The following TRHDE variants were observed in gnomAD, a reference collection of about 807,000 sequenced individuals.
TRHDE encodes thyrotropin-releasing hormone-degrading ectoenzyme.
In TRHDE, 72 loss-of-function variants were observed where a neutral mutation model predicts 125.7. That is an observed-to-expected ratio of 0.57 (90% confidence interval 0.47 to 0.70). The LOEUF (loss-of-function observed/expected upper bound fraction) is 0.70. Among genes scored for constraint, TRHDE ranks in the 30% least tolerant of loss-of-function variants. TRHDE has a pLI of 0.00. For synonymous variants in TRHDE, 509 were observed against 509.1 expected, an observed-to-expected ratio of 1.00 and a Z score of 0.00; for missense variants, 1,110 against 1,327.1, an observed-to-expected ratio of 0.84 and a Z score of 2.54.
chr12:72,272,997 G>A lies in TRHDE; in HGVS notation c.354G>A (p.Thr118=), dbSNP rs779274990. 3.9e-6 allele frequency: 6 copies of A among 1,547,590 alleles called. No individual in the cohort carries two copies. Among genetic ancestry groups the A allele is most frequent in the African/African-American group, 1.4e-5 (1 of 73,614 alleles). ...LRFDECGASA[T]PGADGGPSGF... ...TCGACGAGTGCGGGGCGAGTGCCACGCCAGGCGCCGACGGTGGCCCCTCAG... is the reference window on the plus strand; with the variant it reads ...TCGACGAGTGCGGGGCGAGTGCCACACCAGGCGCCGACGGTGGCCCCTCAG... Residue 118 remains threonine (T), a synonymous_variant, in exon 1 of 19, where the codon ACG becomes ACA. Coordinates refer to ENST00000261180, the MANE Select transcript of TRHDE (RefSeq NM_013381.3). The surrounding 1 kb of genome is among the most constrained non-coding windows in gnomAD (Gnocchi z 6.7).
At chr12:72,586,139 C>T (rs186362932) in intron 12 of TRHDE, among the ~76,000 whole-genome samples, 129 of 135,680 alleles carry the variant, frequency 9.5e-4, no homozygotes, top group Admixed American at 3.5e-3. Flanking sequence ...GGTAGCAATG[C>T]TATCATGATA....
At chr12:72,522,126 G>A (rs1283191166) in intron 6 of TRHDE, among the ~76,000 whole-genome samples, 1 of 152,196 alleles carries the variant, frequency 6.6e-6, no homozygotes, top group African/African-American at 2.4e-5. Context: ...CACTGAGGCA[G>A]TAACTTGCCC....
At chr12:72,363,915 C>A (rs1871231079) in intron 2 of TRHDE, among the ~76,000 whole-genome samples, 1 of 152,130 alleles carries the variant, frequency 6.6e-6, no homozygotes, top group East Asian at 1.9e-4. Flanking sequence ...TAAGCAACTT[C>A]AGCAAAGTCT....
intron 2 of TRHDE, among the ~76,000 whole-genome samples, chr12:72,303,468 G>T (rs142166414): frequency 1.6e-4 from 24 of 152,114 alleles, no homozygotes; most frequent in African/African-American, 5.5e-4. Context: ...TACAGCAGTG[G>T]CTCTTAAACT....
chr12:72,539,145 G>T (rs945495945), intron 6 of TRHDE, among the ~76,000 whole-genome samples: 1 of 151,710 alleles, frequency 6.6e-6, no homozygotes, highest in Non-Finnish European at 1.5e-5. Flanking sequence ...TTAGACCCTC[G>T]TTATCCTTTG....
At chr12:72,256,722 T>C (rs906931735) in intron 2 of TRHDE, 1 of 152,164 alleles carries the variant, frequency 6.6e-6, no homozygotes, top group Non-Finnish European at 1.5e-5. Flanking sequence ...TTAGTTACCA[T>C]GTTGAAAAGA....
chr12:72,138,528 G>C lies in TRHDE; in HGVS notation n.279+32776G>C, dbSNP rs553682016. Among the ~76,000 whole-genome samples, 18 of 152,300 alleles carry C rather than the reference G, an allele frequency of 1.2e-4. No homozygotes were observed. The South Asian group carries it at 3.5e-3, about 30-fold the overall frequency. On this transcript the variant is annotated intron_variant and non_coding_transcript_variant, in intron 2 of 4. Coordinates refer to the TRHDE transcript ENST00000548156. ...TGGGAGGCAGAAAGAGAGGAAACAA[G>C]GTGTGCACCTGAAGTAGGTATTTGG...
intron 12 of TRHDE, among the ~76,000 whole-genome samples, chr12:72,603,356 G>A (rs1872284800): frequency 6.6e-6 from 1 of 152,070 alleles, no homozygotes; most frequent in African/African-American, 2.4e-5. Context: ...GTGCTCGTGT[G>A]TCTGTATTTG....
intron 3 of TRHDE, among the ~76,000 whole-genome samples, chr12:72,419,284 G>A (rs1192788227): frequency 3.3e-5 from 5 of 152,126 alleles, no homozygotes; most frequent in African/African-American, 1.2e-4. Context: ...GTAAAAAGTT[G>A]TATACAAAAT....
At chr12:72,107,177 A>T (rs1592442710) in intron 2 of TRHDE, among the ~76,000 whole-genome samples, 1 of 152,230 alleles carries the variant, frequency 6.6e-6, no homozygotes, top group East Asian at 1.9e-4. Context: ...GCCAGAAGAA[A>T]ATTATAAAAA....
chr12:72,350,444 A>G (rs1023749361), intron 2 of TRHDE, among the ~76,000 whole-genome samples: 1 of 152,086 alleles, frequency 6.6e-6, no homozygotes, highest in African/African-American at 2.4e-5. Context: ...ATAATATATT[A>G]TAATCTTCTT....
intron 6 of TRHDE, among the ~76,000 whole-genome samples, chr12:72,507,688 G>A (rs1436172969): frequency 6.6e-6 from 1 of 152,198 alleles, no homozygotes; most frequent in Admixed American, 6.5e-5. Flanking sequence ...ACCCATTTTC[G>A]GGGAGGAATT....
intron 2 of TRHDE, among the ~76,000 whole-genome samples, chr12:72,206,524 C>A (rs1390326984): frequency 6.6e-6 from 1 of 152,104 alleles, no homozygotes; most frequent in African/African-American, 2.4e-5. Context: ...GTGTTCAATG[C>A]ATATTTATAT....
In TRHDE at chr12:72,372,376, A is replaced by C. The variant is rs545564583; in HGVS notation, c.1189-5619A>C. ...TCTGATGGTAGTTTCTTTTGTGTGC[A>C]GAAGCTCTTTAGTTTAATTAGATCC... On this transcript the variant is annotated intron_variant, in intron 2 of 18. Transcript: ENST00000261180. Among the ~76,000 whole-genome samples the C allele has an allele frequency of 9.2e-5, 14 of 152,220 alleles. No individual in the cohort carries two copies. In the East Asian group the frequency reaches 2.7e-3, roughly 29 times the overall value.
chr12:72,175,385 A>T (rs1302511656), intron 2 of TRHDE, among the ~76,000 whole-genome samples: 4 of 152,162 alleles, frequency 2.6e-5, no homozygotes, highest in African/African-American at 9.7e-5. Flanking sequence ...CCTCAATGGG[A>T]TTTTTTGAAC....
chr12:72,365,491 C>T (rs1388521270), intron 2 of TRHDE, among the ~76,000 whole-genome samples: 1 of 152,060 alleles, frequency 6.6e-6, no homozygotes, highest in Non-Finnish European at 1.5e-5. Context: ...AGAAAAATAA[C>T]TGTAGGTGAG....
At chr12:72,348,147 C>T (rs1385048243) in intron 2 of TRHDE, among the ~76,000 whole-genome samples, 1 of 151,982 alleles carries the variant, frequency 6.6e-6, no homozygotes, top group East Asian at 1.9e-4. Flanking sequence ...TATACACACA[C>T]ATTGTGGAAT....
chr12:72,094,064 G>C (rs776468529), intron 1 of TRHDE, among the ~76,000 whole-genome samples: 4 of 152,176 alleles, frequency 2.6e-5, no homozygotes, highest in Non-Finnish European at 4.4e-5. Flanking sequence ...TGTGGCCGCT[G>C]TTGGGTTTGC....
intron 2 of TRHDE, among the ~76,000 whole-genome samples, chr12:72,364,125 TACAA>T (rs1871244138): frequency 6.6e-6 from 1 of 151,986 alleles, no homozygotes; most frequent in Non-Finnish European, 1.5e-5. Context: ...TAAAAGAGGA[TACAA>T]ACAAATGGAA....
Sources: allele counts gnomAD v4.1 joint callset (sites outside exome capture counted in the v4.1 genomes callset), GRCh38; gene constraint gnomAD v4.1.1; non-coding constraint Gnocchi (gnomAD v3.1); transcripts MANE v1.5; gene names NCBI Gene and HGNC (gene_info 2026-07-23, HGNC 2026-07-21).